The following CYBRD1 variants were observed in gnomAD, a reference collection of about 807,000 sequenced individuals.
CYBRD1 encodes plasma membrane ascorbate-dependent reductase CYBRD1.
CYBRD1 carries 14 observed loss-of-function variants against 21.9 expected under a neutral mutation model. The ratio of observed to expected loss-of-function variants is 0.64; its 90% CI spans 0.42 to 1.00. CYBRD1 has a LOEUF of 1.00. Among genes scored for constraint, CYBRD1 ranks in the 50% least tolerant of loss-of-function variants. The probability of loss-of-function intolerance (pLI) is 0.00; values close to 1 mark genes in which losing one functional copy is unlikely to be tolerated. For synonymous variants in CYBRD1, 146 were observed against 136.5 expected, an observed-to-expected ratio of 1.07 and a Z score of -0.48; for missense variants, 328 against 352.5, an observed-to-expected ratio of 0.93 and a Z score of 0.56.
chr2:171,553,310 A>C (rs1574446068), intron 2 of CYBRD1, 36 bp from the exon 3 acceptor site: 1 of 1,610,150 alleles, frequency 6.2e-7, no homozygotes, highest in Non-Finnish European at 8.5e-7. Context: ...TAGAACTTAA[A>C]ATTAAATGAT....
intron 1 of CYBRD1, among the ~76,000 whole-genome samples, chr2:171,525,403 T>C (rs1697369813): frequency 6.6e-6 from 1 of 152,196 alleles, no homozygotes. Flanking sequence ...TGTAGGCACA[T>C]GTATAGTTCT....
chr2:171,525,947 T>TAAA (rs58388653), intron 1 of CYBRD1, among the ~76,000 whole-genome samples: 34 of 61,914 alleles, frequency 5.5e-4, no homozygotes, highest in Non-Finnish European at 7.0e-4. Context: ...AACTCCCGTC[T>TAAA]AAAAAAAAAA....
chr2:171,522,316 C>T, upstream of CYBRD1: 2 of 1,527,684 alleles, frequency 1.3e-6, no homozygotes. The surrounding 1 kb of genome is among the most constrained non-coding windows in gnomAD (Gnocchi z 4.3). Context: ...CAATGAGCGC[C>T]CTCGGCGGCC....
At chr2:171,524,998 C>T (rs1430132560) in intron 1 of CYBRD1, among the ~76,000 whole-genome samples, 2 of 152,056 alleles carry the variant, frequency 1.3e-5, no homozygotes, top group African/African-American at 2.4e-5. Flanking sequence ...AGTGCAGTGG[C>T]GCAATCTTGG....
chr2:171,535,693 C>G (rs568370646), intron 1 of CYBRD1, among the ~76,000 whole-genome samples: 14 of 152,232 alleles, frequency 9.2e-5, no homozygotes, highest in African/African-American at 3.1e-4. Context: ...GGCTGGAGTG[C>G]AGTGGCTCGA....
Position 171,522,706 on chromosome 2 carries a change from T to G in CYBRD1, c.161T>G (p.Met54Arg). The change falls in exon 1 of 4, where the codon ATG becomes AGG. Residue 54 changes from methionine to arginine, a missense_variant. Coordinates refer to ENST00000321348, the MANE Select transcript of CYBRD1 (RefSeq NM_024843.4). The surrounding 1 kb of genome is among the most constrained non-coding windows in gnomAD (Gnocchi z 4.3). ...GAGTTTAACTGGCACCCAGTGCTCATGGTCACCGGCTTCGTCTTCATCCAG... is the reference window on the plus strand; with the variant it reads ...GAGTTTAACTGGCACCCAGTGCTCAGGGTCACCGGCTTCGTCTTCATCCAG... ...ALEFNWHPVLMVTGFVFIQGI... is the reference protein window; with the variant it reads ...ALEFNWHPVLRVTGFVFIQGI... 5.0e-6 allele frequency: 8 copies of G among 1,613,428 alleles called. No homozygotes were observed. Among genetic ancestry groups the G allele is most frequent in the Non-Finnish European group, 6.8e-6 (8 of 1,179,894 alleles).
At chr2:171,525,919 C>G (rs1402855040) in intron 1 of CYBRD1, among the ~76,000 whole-genome samples, 1 of 139,320 alleles carries the variant, frequency 7.2e-6, no homozygotes, top group Non-Finnish European at 1.5e-5. Flanking sequence ...TGCACTTCAG[C>G]CTGGGCAACA....
chr2:171,522,456 C>T (rs1697320240), upstream of CYBRD1: 2 of 1,537,498 alleles, frequency 1.3e-6, no homozygotes, highest in Admixed American at 2.0e-5. The surrounding 1 kb of genome is among the most constrained non-coding windows in gnomAD (Gnocchi z 4.3). Flanking sequence ...GAAGTCGACG[C>T]CCCGGTCCCG....
intron 2 of CYBRD1, among the ~76,000 whole-genome samples, chr2:171,547,658 A>G (rs777479714): frequency 1.3e-5 from 2 of 152,030 alleles, no homozygotes; most frequent in Non-Finnish European, 2.9e-5. Context: ...GCTTGGGGTG[A>G]TTTCTTGCTT....
In CYBRD1 at chr2:171,522,822, C is replaced by G; in HGVS notation, c.193+84C>G. On this transcript the variant is annotated intron_variant, in intron 1 of 3. Coordinates refer to ENST00000321348, the MANE Select transcript of CYBRD1 (RefSeq NM_024843.4). This position sits in a 1 kb window ranked among gnomAD's most constrained non-coding sequence, Gnocchi z 4.3. ...GGGTCCTCCGTGAAGCCCCTTCCAG[C>G]TGAGGAAGTGCTGGAGGATCGCGGG... is the stretch of plus-strand genomic sequence containing the variant. 1 of 1,585,190 alleles carries G rather than the reference C, an allele frequency of 6.3e-7. No individual in the cohort carries two copies. Among genetic ancestry groups the G allele is most frequent in the Admixed American group, 1.8e-5 (1 of 55,104 alleles).
At chr2:171,553,202 G>A (rs1683417188) in intron 2 of CYBRD1, 144 bp from the exon 3 acceptor site, 2 of 869,614 alleles carry the variant, frequency 2.3e-6, no homozygotes, top group Non-Finnish European at 3.5e-6. Context: ...TTAGGTAGTG[G>A]AACTGGAGCG....
At chr2:171,541,126 A>C (rs1489692069) in intron 1 of CYBRD1, 1 of 189,968 alleles carries the variant, frequency 5.3e-6, no homozygotes, top group Non-Finnish European at 1.1e-5. Context: ...TAAGATTAGG[A>C]ATTTGGTTTT....
At chr2:171,527,705 CATT>C (rs1697405417) in intron 1 of CYBRD1, among the ~76,000 whole-genome samples, 1 of 152,168 alleles carries the variant, frequency 6.6e-6, no homozygotes, top group Admixed American at 6.5e-5. Flanking sequence ...TTTTCTGCAT[CATT>C]AAGTTTCTCC....
rs985916290 is a variant in CYBRD1 at position 171,533,949 on chromosome 2, G to A, written c.194-7636G>A. ...TTGAAATCCCGACCTTAAGAGATCC[G>A]CCTGTCTTGGCCTCCCAAAGTTCTG... On this transcript the variant is annotated intron_variant, in intron 1 of 3. Coordinates refer to ENST00000321348, the MANE Select transcript of CYBRD1 (RefSeq NM_024843.4). 9.2e-5 allele frequency among the ~76,000 whole-genome samples: 14 copies of A among 151,862 alleles called. No homozygotes were observed. In the South Asian group the frequency reaches 1.7e-3, roughly 18 times the overall value.
intron 1 of CYBRD1, among the ~76,000 whole-genome samples, chr2:171,535,564 CTTTA>C (rs1320123413): frequency 6.6e-6 from 1 of 152,106 alleles, no homozygotes; most frequent in African/African-American, 2.4e-5. Flanking sequence ...GAATTTTTGG[CTTTA>C]TTTATTTATT....
chr2:171,524,885 A>G (rs1422503256), intron 1 of CYBRD1, among the ~76,000 whole-genome samples: 1 of 152,208 alleles, frequency 6.6e-6, no homozygotes, highest in Non-Finnish European at 1.5e-5. Context: ...CTCTTGGACA[A>G]AAATGTGTAA....
chr2:171,554,705 GGT>G lies in CYBRD1; in HGVS notation c.740_741del (p.Gly247ValfsTer20). On this transcript the variant is annotated frameshift_variant, in exon 4 of 4. Coordinates refer to ENST00000321348, the MANE Select transcript of CYBRD1 (RefSeq NM_024843.4). LOFTEE classifies it low-confidence loss of function (END_TRUNC). ...PNGGTEQGAR[G>X]SMPAYSGNNM... Reference sequence around the variant, plus strand: ...TGGAGGCACTGAACAGGGAGCAAGAGGTTCCATGCCAGCCTACTCTGGCAACA... The same window carrying G: ...TGGAGGCACTGAACAGGGAGCAAGAGTCCATGCCAGCCTACTCTGGCAACA... 1 of 1,614,022 alleles carries G rather than the reference GGT, an allele frequency of 6.2e-7. No individual in the cohort carries two copies. Among genetic ancestry groups the G allele is most frequent in the Non-Finnish European group, 8.5e-7 (1 of 1,179,970 alleles).
intron 2 of CYBRD1, among the ~76,000 whole-genome samples, chr2:171,550,180 A>C (rs1697778151): frequency 6.6e-6 from 1 of 152,140 alleles, no homozygotes; most frequent in African/African-American, 2.4e-5. Flanking sequence ...ATGTCAGCTC[A>C]CTGCAACCTC....
At chr2:171,532,960 A>T (rs181406570) in intron 1 of CYBRD1, among the ~76,000 whole-genome samples, 14 of 151,602 alleles carry the variant, frequency 9.2e-5, no homozygotes, top group Non-Finnish European at 2.1e-4. Flanking sequence ...TTAATTGTCA[A>T]GTCTCTAAAT....
Sources: gnomAD v4.1 joint callset for allele counts (sites outside exome capture counted in the v4.1 genomes callset) on GRCh38, gnomAD v4.1.1 for gene constraint, Gnocchi (gnomAD v3.1) non-coding constraint, MANE v1.5 for transcripts, NCBI Gene and HGNC (gene_info 2026-07-23, HGNC 2026-07-21) for gene names.